SMAD3: variants seen among roughly 807,000 people sequenced by gnomAD.
The protein encoded by SMAD3 is MAD homolog 3.
In SMAD3, 12 loss-of-function variants were observed where a neutral mutation model predicts 51.8. The ratio of observed to expected loss-of-function variants is 0.23; its 90% confidence interval spans 0.15 to 0.38. SMAD3 has a LOEUF of 0.38. SMAD3 is among the 10% of genes least tolerant of loss of function. The pLI, the probability that SMAD3 is intolerant of heterozygous loss-of-function variation, is 1.00. For missense variants in SMAD3, 294 were observed against 565.6 expected (o/e 0.52, Z 4.87); for synonymous variants, 238 against 227.7 (o/e 1.05, Z -0.41).
At chr15:67,066,465 G>T in intron 1 of SMAD3, 105 bp downstream of exon 1, 1 of 948,618 alleles carries the variant, frequency 1.1e-6, no homozygotes. Flanking sequence ...GAGAGAGGGA[G>T]GGAGTGAGAC....
intron 1 of SMAD3, among the ~76,000 whole-genome samples, chr15:67,109,912 A>C (rs776488839): frequency 3.3e-5 from 5 of 152,160 alleles, no homozygotes; most frequent in Non-Finnish European, 5.9e-5. Context: ...CCGGGTCTCC[A>C]GATAACATGA....
intron 1 of SMAD3, among the ~76,000 whole-genome samples, chr15:67,147,198 C>T (rs1040234688): frequency 4.6e-5 from 7 of 152,082 alleles, no homozygotes; most frequent in South Asian, 2.1e-4. Flanking sequence ...TTACAGAGCC[C>T]GGGAGATGGG....
intron 1 of SMAD3, chr15:67,125,909 G>C: frequency 1.0e-6 from 1 of 985,508 alleles, no homozygotes; most frequent in Non-Finnish European, 1.2e-6. Context: ...GGTTCCCACA[G>C]GATGCGACAT....
rs1358664773 is a variant in SMAD3, at chr15:67,073,571, CCTT to C, written c.206+7215_206+7217del. 2.6e-5 allele frequency among the ~76,000 whole-genome samples: 4 copies of C among 152,158 alleles called. 1 individual carries two copies. Among genetic ancestry groups the C allele is most frequent in the African/African-American group, 4.8e-5 (2 of 41,440 alleles). On this transcript the variant is annotated intron_variant, in intron 1 of 8. Coordinates refer to ENST00000327367, the MANE Select transcript of SMAD3 (RefSeq NM_005902.4). The stretch of plus-strand genomic sequence containing the variant: ...TAGCTGTGTGACCTGGGACAAGTCA[CCTT>C]CTTTGGGCCTCGAATGTTCTCAACT...
At chr15:67,178,640 C>G (rs919551979) in intron 5 of SMAD3, among the ~76,000 whole-genome samples, 1 of 150,926 alleles carries the variant, frequency 6.6e-6, no homozygotes, top group Non-Finnish European at 1.5e-5. Context: ...TGATACATTG[C>G]TTGACCACTC....
At chr15:67,081,180 C>T (rs1329924418) in intron 1 of SMAD3, among the ~76,000 whole-genome samples, 6 of 152,180 alleles carry the variant, frequency 3.9e-5, no homozygotes, top group African/African-American at 1.4e-4. Flanking sequence ...TCCCCTTTTG[C>T]TACCCCACAG....
intron 1 of SMAD3, among the ~76,000 whole-genome samples, chr15:67,102,625 A>G (rs12901719): frequency 0.96 from 146,509 of 151,934 alleles, 70,868 homozygotes; most frequent in East Asian, 1. Context: ...GAGCAAGACC[A>G]TCCAATGTAT....
Position 67,083,221 on chromosome 15 carries a change from G to T in SMAD3, c.206+16861G>T, listed in dbSNP as rs181627143. On this transcript the variant is annotated intron_variant, in intron 1 of 8. Coordinates refer to ENST00000327367, the MANE Select transcript of SMAD3 (RefSeq NM_005902.4). ...ATGGTCCAAGTTCACCACTCATAGA[G>T]CGTCAGCCTGTTGGGGAGACGGAGG... 3.1e-3 allele frequency among the ~76,000 whole-genome samples: 479 copies of T among 152,366 alleles called. 4 individuals are homozygous for T. Among genetic ancestry groups the T allele is most frequent in the African/African-American group, 0.011 (459 of 41,580 alleles).
At chr15:67,070,035 TTA>T (rs1258758543) in intron 1 of SMAD3, among the ~76,000 whole-genome samples, 2 of 138,610 alleles carry the variant, frequency 1.4e-5, no homozygotes, top group African/African-American at 5.4e-5. Context: ...CCTCCTCTTA[TTA>T]TCTCCTTGAC....
At chr15:67,087,982 G>C (rs1314976268) in intron 1 of SMAD3, among the ~76,000 whole-genome samples, 1 of 152,184 alleles carries the variant, frequency 6.6e-6, no homozygotes, top group Non-Finnish European at 1.5e-5. Context: ...TTAGATCAGA[G>C]TTCTTGTACT....
At chr15:67,108,082 C>T (rs776745574) in intron 1 of SMAD3, among the ~76,000 whole-genome samples, 14 of 151,988 alleles carry the variant, frequency 9.2e-5, no homozygotes, top group Non-Finnish European at 1.9e-4. Flanking sequence ...CCTAGTGCTT[C>T]GGGGATAACT....
chr15:67,103,085 C>T (rs1440450170), intron 1 of SMAD3, among the ~76,000 whole-genome samples: 3 of 152,056 alleles, frequency 2.0e-5, no homozygotes, highest in Non-Finnish European at 4.4e-5. Flanking sequence ...TAATTTGGCT[C>T]TTTTCTGTGA....
At position 67,073,582 on chromosome 15, in the gene SMAD3, C is replaced by G. The variant is rs535402919; in HGVS notation, c.206+7222C>G. Among the ~76,000 whole-genome samples the G allele has an allele frequency of 5.9e-5, 9 of 152,274 alleles. No homozygotes were observed. The East Asian group carries it at 9.6e-4, about 16-fold the overall frequency. ...CCTGGGACAAGTCACCTTCTTTGGG[C>G]CTCGAATGTTCTCAACTGGAAAATA... On this transcript the variant is annotated intron_variant, in intron 1 of 8. Coordinates refer to ENST00000327367, the MANE Select transcript of SMAD3 (RefSeq NM_005902.4).
rs376223934 is a variant in SMAD3, at chr15:67,172,999, G to C, written c.658+2395G>C. On this transcript the variant is annotated intron_variant, in intron 5 of 8. Coordinates refer to ENST00000327367, the MANE Select transcript of SMAD3 (RefSeq NM_005902.4). Reference sequence around the variant, plus strand: ...TGCCTGCCGTTCAGGTGGGGGATTGGAAGAGGGACCACAGACATAGCCATC... The same window carrying C: ...TGCCTGCCGTTCAGGTGGGGGATTGCAAGAGGGACCACAGACATAGCCATC... Among the ~76,000 whole-genome samples, 4 of 152,166 alleles carry C rather than the reference G, an allele frequency of 2.6e-5. No individual in the cohort carries two copies. The East Asian group carries it at 7.7e-4, about 29-fold the overall frequency.
chr15:67,195,156 C>T lies in SMAD3; in HGVS notation c.*4620C>T, dbSNP rs1595971042. The T allele has an allele frequency of 1.3e-5, 3 of 232,578 alleles. No homozygotes were observed. In the East Asian group the frequency reaches 1.8e-4, roughly 14 times the overall value. The allele number at this position is 232,578 out of a possible 1,614,324, so 14.4% of individuals were successfully genotyped here. A position where few individuals can be genotyped will look rare whatever the true frequency, so the allele number is the denominator to read the frequency against. Reference sequence around the variant, plus strand: ...CTCTTGTAAGTGCCCTTCTAATAAACTTTTCATGGAAAAGCTCCTGTGCCA... The same window carrying T: ...CTCTTGTAAGTGCCCTTCTAATAAATTTTTCATGGAAAAGCTCCTGTGCCA... On this transcript the variant is annotated 3_prime_UTR_variant, in exon 9 of 9. Coordinates refer to ENST00000327367, the MANE Select transcript of SMAD3 (RefSeq NM_005902.4).
intron 7 of SMAD3, among the ~76,000 whole-genome samples, chr15:67,185,530 G>A (rs1017985353): frequency 6.6e-6 from 1 of 152,158 alleles, no homozygotes; most frequent in Non-Finnish European, 1.5e-5. Context: ...GTATGAGACC[G>A]TCAGGGGAAA....
chr15:67,142,940 C>T, intron 1 of SMAD3: 1 of 396,408 alleles, frequency 2.5e-6, no homozygotes, highest in Non-Finnish European at 5.2e-6. Context: ...GAACATCCTC[C>T]TCATTTTCTC....
At chr15:67,187,988 A>G (rs903101781) in intron 8 of SMAD3, among the ~76,000 whole-genome samples, 1 of 151,910 alleles carries the variant, frequency 6.6e-6, no homozygotes, top group African/African-American at 2.4e-5. Context: ...CTGTTGCTCC[A>G]TTTCTGACTC....
At chr15:67,080,312 A>G (rs1015918052) in intron 1 of SMAD3, among the ~76,000 whole-genome samples, 7 of 152,262 alleles carry the variant, frequency 4.6e-5, no homozygotes, top group Non-Finnish European at 1.0e-4. Flanking sequence ...TAAAGTTAGC[A>G]CTAGAGCTTA....
Sources: gnomAD v4.1 joint callset for allele counts (sites outside exome capture counted in the v4.1 genomes callset) on GRCh38, gnomAD v4.1.1 for gene constraint, MANE v1.5 for transcripts, NCBI Gene and HGNC (gene_info 2026-07-23, HGNC 2026-07-21) for gene names.